Variants in DOCK8 observed in about 807,000 individuals in gnomAD.
DOCK8 encodes dedicator of cytokinesis protein 8.
A neutral mutation model predicts 245.6 loss-of-function variants in DOCK8; 141 were observed. The ratio of observed to expected loss-of-function variants is 0.57; its 90% CI spans 0.50 to 0.66. The LOEUF (loss-of-function observed/expected upper bound fraction) is 0.66. Among genes scored for constraint, DOCK8 ranks in the 30% least tolerant of loss-of-function variants. DOCK8 has a pLI of 0.00. For missense variants in DOCK8, 2,965 were observed against 2,603.4 expected, an observed-to-expected ratio of 1.14 and a Z score of -3.02; for synonymous variants, 1,168 against 970.2, an observed-to-expected ratio of 1.20 and a Z score of -3.79.
intron 12 of DOCK8, among the ~76,000 whole-genome samples, chr9:337,049 T>C (rs2051344979): frequency 6.6e-6 from 1 of 152,040 alleles, no homozygotes; most frequent in East Asian, 1.9e-4. Context: ...CTTCCTGTTC[T>C]TATAAAGCCA....
At position 335,088 on chromosome 9, in the gene DOCK8, A is replaced by G. The variant is rs966925651; in HGVS notation, c.1285+704A>G. On this transcript the variant is annotated intron_variant, in intron 11 of 47. Coordinates refer to ENST00000432829, the MANE Select transcript of DOCK8 (RefSeq NM_203447.4). ...CAGAGCATGACTTTGTCTCAAAAAA[A>G]AAGAAAAAAGAGAAAAACTCAAGTT... Among the ~76,000 whole-genome samples, 9 of 152,340 alleles carry G rather than the reference A, an allele frequency of 5.9e-5. 1 individual carries two copies. The highest frequency in any genetic ancestry group is 3.4e-3 in the Middle Eastern group (1 of 294).
chr9:331,610 A>T (rs965391150), intron 9 of DOCK8, among the ~76,000 whole-genome samples: 3 of 152,092 alleles, frequency 2.0e-5, no homozygotes, highest in Admixed American at 6.6e-5. Flanking sequence ...TCTAAGTTAA[A>T]TTTTTTTTGA....
At position 347,166 on chromosome 9, in the gene DOCK8, A is replaced by G. The variant is rs191812369; in HGVS notation, c.1679+6845A>G. Among the ~76,000 whole-genome samples, 3 of 152,146 alleles carry G rather than the reference A, an allele frequency of 2.0e-5. No homozygotes were observed. The East Asian group carries it at 5.8e-4, about 29-fold the overall frequency. On this transcript the variant is annotated intron_variant, in intron 14 of 47. Coordinates refer to ENST00000432829, the MANE Select transcript of DOCK8 (RefSeq NM_203447.4). ...GTCCCCCTCCTTCTCATGGAAGGGAAGCTTCCACCAACCCTTAATGAGTTC... is the reference window on the plus strand; with the variant it reads ...GTCCCCCTCCTTCTCATGGAAGGGAGGCTTCCACCAACCCTTAATGAGTTC...
intron 18 of DOCK8, 148 bp downstream of exon 18, chr9:372,434 G>A: frequency 1.4e-6 from 1 of 735,318 alleles, no homozygotes; most frequent in Non-Finnish European, 2.4e-6. Flanking sequence ...AGGAATAACT[G>A]ACTGTGAAAC....
intron 5 of DOCK8, 122 bp from the exon 6 acceptor site, chr9:311,832 C>A: frequency 3.3e-6 from 4 of 1,222,546 alleles, no homozygotes; most frequent in Non-Finnish European, 4.8e-6. Context: ...CTTCAGAAGA[C>A]TTGAGGCCTG....
In DOCK8 at chr9:359,947, T is replaced by C. The variant is rs1486227440; in HGVS notation, c.1680-8071T>C. Among the ~76,000 whole-genome samples, 11 of 152,300 alleles carry C rather than the reference T, an allele frequency of 7.2e-5. No individual in the cohort carries two copies. The East Asian group carries it at 2.1e-3, about 29-fold the overall frequency. On this transcript the variant is annotated intron_variant, in intron 14 of 47. Coordinates refer to ENST00000432829, the MANE Select transcript of DOCK8 (RefSeq NM_203447.4). ...GCTTTTTATGTATAAACCTGTTTCATTGGTGTTGTATCAGAATTGCATGTT... is the reference window on the plus strand; with the variant it reads ...GCTTTTTATGTATAAACCTGTTTCACTGGTGTTGTATCAGAATTGCATGTT...
chr9:224,863 C>G (rs1440486642), intron 1 of DOCK8, among the ~76,000 whole-genome samples: 1 of 152,184 alleles, frequency 6.6e-6, no homozygotes, highest in Non-Finnish European at 1.5e-5. Context: ...ATGCAGGAGT[C>G]CCTTATCTGC....
At chr9:418,761 C>G (rs2056145592) in intron 30 of DOCK8, among the ~76,000 whole-genome samples, 1 of 152,060 alleles carries the variant, frequency 6.6e-6, no homozygotes, top group Admixed American at 6.6e-5. Flanking sequence ...GTTCAAGAAA[C>G]CGGAAAAGAG....
rs775921392 is a variant in DOCK8, at chr9:396,846, G to C, written c.3032G>C (p.Arg1011Pro). 9.9e-6 allele frequency: 16 copies of C among 1,613,964 alleles called. No individual in the cohort carries two copies. The highest frequency in any genetic ancestry group is 1.3e-5 in the Non-Finnish European group (15 of 1,180,026). Residue 1011 changes from arginine (R) to proline (P), a missense_variant, in exon 25 of 48, where the codon CGT (arginine) becomes CCT (proline). Transcript: ENST00000432829. ...MDKRDSFRRT[R>P]FSDRFMDDIT... ...AAACGGGACAGTTTTCGGAGGACTC[G>C]TTTTTCTGACCGTTTCATGGATGAC...
intron 18 of DOCK8, 100 bp downstream of exon 18, chr9:372,386 T>A: frequency 1.1e-6 from 1 of 946,708 alleles, no homozygotes; most frequent in Non-Finnish European, 1.7e-6. Flanking sequence ...TGGATGTTCA[T>A]CATGTTCTCA....
chr9:342,825 A>G (rs1263614081), intron 14 of DOCK8, among the ~76,000 whole-genome samples: 1 of 151,978 alleles, frequency 6.6e-6, no homozygotes, highest in African/African-American at 2.4e-5. Flanking sequence ...TATTTTATTC[A>G]TTTCCTTGTT....
upstream of DOCK8, chr9:214,414 G>C: frequency 1.5e-6 from 2 of 1,294,340 alleles, no homozygotes; most frequent in Non-Finnish European, 1.1e-6. Flanking sequence ...GCTTGCAAAA[G>C]TTGATTTGAA....
At position 445,936 on chromosome 9, in the gene DOCK8, A is replaced by G. The variant is rs570371293; in HGVS notation, c.5581-434A>G. Among the ~76,000 whole-genome samples, 15 of 152,322 alleles carry G rather than the reference A, an allele frequency of 9.8e-5. No homozygotes were observed. In the South Asian group the frequency reaches 3.1e-3, roughly 32 times the overall value. On this transcript the variant is annotated intron_variant, in intron 43 of 47. Coordinates refer to ENST00000432829, the MANE Select transcript of DOCK8 (RefSeq NM_203447.4). Reference sequence around the variant, plus strand: ...TGCATTCCCACCCTCTGTGTATGACAGCTCTAGCTGATCTCCATCCTTGCC... The same window carrying G: ...TGCATTCCCACCCTCTGTGTATGACGGCTCTAGCTGATCTCCATCCTTGCC...
At chr9:328,783 G>A (rs1324281838) in intron 9 of DOCK8, among the ~76,000 whole-genome samples, 2 of 151,406 alleles carry the variant, frequency 1.3e-5, no homozygotes, top group Admixed American at 1.3e-4. Context: ...TGAAATCTAT[G>A]GGGCAATTGT....
chr9:359,801 TGCAAA>T (rs1563962335), intron 14 of DOCK8, among the ~76,000 whole-genome samples: 1 of 103,916 alleles, frequency 9.6e-6, no homozygotes, highest in Non-Finnish European at 1.8e-5. Context: ...GCTCTGTCTT[TGCAAA>T]AAAAAAAAAA....
chr9:378,179 T>TGGGGA (rs1478039092), intron 20 of DOCK8, among the ~76,000 whole-genome samples: 10 of 152,098 alleles, frequency 6.6e-5, no homozygotes, highest in Admixed American at 5.9e-4. Flanking sequence ...GCAGTGGTTG[T>TGGGGA]GGGGAGGGTG....
At chr9:248,059 A>T (rs1396121170) in intron 1 of DOCK8, among the ~76,000 whole-genome samples, 1 of 152,146 alleles carries the variant, frequency 6.6e-6, no homozygotes, top group Non-Finnish European at 1.5e-5. Context: ...TGTCCGAGGA[A>T]AAGAATCTTG....
chr9:242,322 T>G (rs1458587081), intron 1 of DOCK8, among the ~76,000 whole-genome samples: 1 of 151,766 alleles, frequency 6.6e-6, no homozygotes, highest in Admixed American at 6.5e-5. Flanking sequence ...TTTTCAAGAC[T>G]CTGTTTTACA....
chr9:317,330 C>T (rs2050390788), intron 7 of DOCK8, among the ~76,000 whole-genome samples: 2 of 152,094 alleles, frequency 1.3e-5, no homozygotes, highest in African/African-American at 2.4e-5. Flanking sequence ...GGTCATTCTT[C>T]TACAATAGAG....
Sources: gnomAD v4.1 joint callset for allele counts (sites outside exome capture counted in the v4.1 genomes callset) on GRCh38, gnomAD v4.1.1 for gene constraint, MANE v1.5 for transcripts, NCBI Gene and HGNC (gene_info 2026-07-23, HGNC 2026-07-21) for gene names.